Variants in ANXA8 observed in about 807,000 individuals in gnomAD.
ANXA8 encodes annexin A8.
A neutral mutation model predicts 26.8 loss-of-function variants in ANXA8; 9 were observed. The observed-to-expected ratio is 0.34, with a 90% CI of 0.20 to 0.59. ANXA8 has a LOEUF of 0.59. Among genes scored for constraint, ANXA8 ranks in the 20% least tolerant of loss-of-function variants. The pLI, the probability that ANXA8 is intolerant of heterozygous loss-of-function variation, is 0.84. For missense variants in ANXA8, 83 were observed against 238.5 expected (o/e 0.35, Z 4.29); for synonymous variants, 39 against 94.8 (o/e 0.41, Z 3.42).
chr10:47,649,828 C>T, the ANXA8 span, among the ~76,000 whole-genome samples: 8 of 140,588 alleles, frequency 5.7e-5, no homozygotes, highest in Admixed American at 2.8e-4. Flanking sequence ...TCTCTAGACT[C>T]GAGCGGTCCT....
At chr10:47,599,540 T>A in the ANXA8 span, 1 of 146,710 alleles carries the variant, frequency 6.8e-6, no homozygotes, top group East Asian at 2.0e-4. Context: ...AAAAAAGATT[T>A]GACAAAAACT....
the ANXA8 span, among the ~76,000 whole-genome samples, chr10:47,672,039 A>G: frequency 6.6e-6 from 1 of 151,258 alleles, no homozygotes; most frequent in African/African-American, 2.4e-5. Flanking sequence ...CTTCTTACTT[A>G]TTTCTGTTCT....
At chr10:47,672,611 A>G in the ANXA8 span, among the ~76,000 whole-genome samples, 4 of 151,918 alleles carry the variant, frequency 2.6e-5, no homozygotes, top group Non-Finnish European at 4.4e-5. Flanking sequence ...CAGTTAAAAA[A>G]TGGGACAAAT....
the ANXA8 span, among the ~76,000 whole-genome samples, chr10:47,498,963 G>A: frequency 4.4e-5 from 6 of 136,574 alleles, no homozygotes; most frequent in Admixed American, 7.2e-5. Flanking sequence ...TTAGCCAGGC[G>A]TGGTGGCAGG....
the ANXA8 span, among the ~76,000 whole-genome samples, chr10:47,537,435 G>A: frequency 4.2e-4 from 64 of 151,466 alleles, no homozygotes; most frequent in Non-Finnish European, 4.4e-5. Flanking sequence ...TTAGGCTGAG[G>A]CATCCCTAAA....
chr10:47,696,258 G>A, the ANXA8 span: 7 of 384,482 alleles, frequency 1.8e-5, no homozygotes, highest in East Asian at 1.3e-4. Flanking sequence ...TTGTCATTTC[G>A]TGCCCTTAGG....
At chr10:47,701,228 C>T in the ANXA8 span, among the ~76,000 whole-genome samples, 2 of 150,360 alleles carry the variant, frequency 1.3e-5, no homozygotes, top group African/African-American at 2.5e-5. Context: ...ATTCTGTTGG[C>T]GCAACTGTGA....
the ANXA8 span, chr10:47,582,448 A>C: frequency 2.1e-4 from 29 of 140,970 alleles, no homozygotes; most frequent in African/African-American, 6.6e-4. Flanking sequence ...TTATTCTTCC[A>C]AGCATTTACC....
chr10:47,953,808 T>TTGTCAGAGATATGCAAATCAAAACTACAA, the ANXA8 span, among the ~76,000 whole-genome samples: 1 of 150,350 alleles, frequency 6.7e-6, no homozygotes, highest in African/African-American at 2.5e-5. Context: ...ACATCATTGA[T>TTGTCAGAGATATGCAAATCAAAACTACAA]TGTCAGAGAT....
At chr10:47,701,014 C>T in the ANXA8 span, among the ~76,000 whole-genome samples, 72 of 150,984 alleles carry the variant, frequency 4.8e-4, no homozygotes, top group Admixed American at 1.3e-3. Flanking sequence ...CCCAGGAGGT[C>T]GAGGCTGCAG....
At chr10:47,679,523 G>T in the ANXA8 span, among the ~76,000 whole-genome samples, 1 of 152,042 alleles carries the variant, frequency 6.6e-6, no homozygotes, top group Non-Finnish European at 1.5e-5. Context: ...GCTGAGGTGG[G>T]AGGATTGCTT....
the ANXA8 span, among the ~76,000 whole-genome samples, chr10:47,684,294 C>T: frequency 0.045 from 6,852 of 151,728 alleles, 50 homozygotes; most frequent in African/African-American, 0.16. Flanking sequence ...CAGTTTCCAT[C>T]CTCCTACTCA....
the ANXA8 span, among the ~76,000 whole-genome samples, chr10:47,652,167 A>C: frequency 6.6e-6 from 1 of 152,166 alleles, no homozygotes; most frequent in African/African-American, 2.4e-5. Context: ...GACTGTTAAT[A>C]GGTATGGGGT....
chr10:47,488,460 C>T (rs1840084390), upstream of ANXA8, among the ~76,000 whole-genome samples: 1 of 149,512 alleles, frequency 6.7e-6, no homozygotes, highest in African/African-American at 2.5e-5. Context: ...GCCCACCCGC[C>T]TTGGCTTCCC....
chr10:47,636,479 T>C, the ANXA8 span, among the ~76,000 whole-genome samples: 1 of 145,468 alleles, frequency 6.9e-6, no homozygotes, highest in Non-Finnish European at 1.5e-5. Flanking sequence ...CTAAGTGTTT[T>C]GCTGTTGTTC....
the ANXA8 span, among the ~76,000 whole-genome samples, chr10:47,603,933 AT>A: frequency 7.3e-6 from 1 of 137,188 alleles, no homozygotes; most frequent in Non-Finnish European, 1.5e-5. Flanking sequence ...AACAGGTATT[AT>A]TTAGCAGTTC....
the ANXA8 span, among the ~76,000 whole-genome samples, chr10:47,625,726 G>A: frequency 1.4e-4 from 22 of 151,862 alleles, no homozygotes; most frequent in Admixed American, 1.3e-3. Flanking sequence ...TGTGTGTGTG[G>A]TGAGAATACT....
At chr10:47,521,418 T>C in the ANXA8 span, among the ~76,000 whole-genome samples, 2 of 140,306 alleles carry the variant, frequency 1.4e-5, no homozygotes, top group African/African-American at 5.3e-5. Context: ...AATGTGAAGA[T>C]AGTACTTCCA....
chr10:47,632,008 G>T, the ANXA8 span, among the ~76,000 whole-genome samples: 1 of 152,206 alleles, frequency 6.6e-6, no homozygotes. Flanking sequence ...ACTGCTTAAA[G>T]ATTAGGTTGA....
Sources: allele counts gnomAD v4.1 joint callset (sites outside exome capture counted in the v4.1 genomes callset), GRCh38; gene constraint gnomAD v4.1.1; transcripts MANE v1.5; gene names NCBI Gene and HGNC (gene_info 2026-07-23, HGNC 2026-07-21).